HSPA9: variants seen among roughly 807,000 people sequenced by gnomAD.
HSPA9 encodes the protein heat shock protein family A (Hsp70) member 9, also known as stress-70 protein, mitochondrial.
A neutral mutation model predicts 81.5 loss-of-function variants in HSPA9; 28 were observed. That is an observed-to-expected ratio of 0.34 (90% CI 0.25 to 0.47). The LOEUF (loss-of-function observed/expected upper bound fraction) is 0.47, where lower values mean the gene tolerates loss of function less well. HSPA9 is among the 20% of genes least tolerant of loss of function. The pLI is 1.00. For synonymous variants in HSPA9, 293 were observed against 290.4 expected, an observed-to-expected ratio of 1.01 and a Z score of -0.09; for missense variants, 678 against 838.0, an observed-to-expected ratio of 0.81 and a Z score of 2.36.
chr5:138,573,435 G>A lies in HSPA9; in HGVS notation c.228+328C>T, dbSNP rs181893400. Among the ~76,000 whole-genome samples the A allele has an allele frequency of 4.1e-4, 63 of 152,044 alleles. 1 individual carries two copies. Among genetic ancestry groups the A allele is most frequent in the Admixed American group, 7.2e-4 (11 of 15,236 alleles). On this transcript the variant is annotated intron_variant, in intron 3 of 16. Coordinates refer to ENST00000297185, the MANE Select transcript of HSPA9 (RefSeq NM_004134.7). The stretch of plus-strand genomic sequence containing the variant: ...CAGCACTTTGGAGGCCAACGTGGGC[G>A]GATCACTTGAGCTCAAGACCAGCCT...
In HSPA9 at chr5:138,567,236, C is replaced by T. The variant is rs556198565; in HGVS notation, c.717-73G>A. The T allele has an allele frequency of 9.1e-5, 120 of 1,318,630 alleles. 1 individual carries two copies. In the South Asian group the frequency reaches 1.4e-3, roughly 16 times the overall value. 81.7% of individuals were successfully genotyped at this position (1,318,630 alleles called of 1,614,324 possible). On this transcript the variant is annotated intron_variant, in intron 7 of 16. Coordinates refer to ENST00000297185, the MANE Select transcript of HSPA9 (RefSeq NM_004134.7). ...AAACCTATCACCAGGATATAAATTT[C>T]AATAACCAAATACAGATAATCTAAG... is the stretch of plus-strand genomic sequence containing the variant.
At chr5:138,569,419 C>T (rs1750830628) in intron 4 of HSPA9, among the ~76,000 whole-genome samples, 1 of 152,204 alleles carries the variant, frequency 6.6e-6, no homozygotes, top group Admixed American at 6.5e-5. Flanking sequence ...TATGTCCACA[C>T]AAAAACTTGT....
At chr5:138,573,423 G>A (rs1044188637) in intron 3 of HSPA9, among the ~76,000 whole-genome samples, 1 of 152,036 alleles carries the variant, frequency 6.6e-6, no homozygotes, top group Non-Finnish European at 1.5e-5. Flanking sequence ...CACTTTGGAG[G>A]CCAACGTGGG....
chr5:138,561,051 G>A, intron 10 of HSPA9: 1 of 499,754 alleles, frequency 2.0e-6, no homozygotes, highest in Non-Finnish European at 4.1e-6. Flanking sequence ...TTTGTGCTCA[G>A]TCATTAGTTT....
intron 3 of HSPA9, among the ~76,000 whole-genome samples, chr5:138,571,717 G>C (rs1381108634): frequency 6.6e-6 from 1 of 151,110 alleles, no homozygotes; most frequent in Admixed American, 6.6e-5. Context: ...CGCGATCTCG[G>C]CTCACTGCAA....
In HSPA9 at chr5:138,556,535, T is replaced by C. The variant is rs1750524397; in HGVS notation, c.1879A>G (p.Ser627Gly). 6.2e-7 allele frequency: 1 copy of C among 1,614,000 alleles called. No homozygotes were observed. Among genetic ancestry groups the C allele is most frequent in the African/African-American group, 1.3e-5 (1 of 74,940 alleles). Residue 627 changes from serine (S) to glycine (G), a missense_variant, in exon 16 of 17, where the codon AGC becomes GGC. Physicochemically the swap from Ser to Gly is moderately conservative, Grantham distance 56. Coordinates refer to ENST00000297185, the MANE Select transcript of HSPA9 (RefSeq NM_004134.7). ...TGTCTAATATTTTCTCCTGTTTCGCTGTCTTTTCTAGCCAGGAGCTCCCTC... is the reference window on the plus strand; with the variant it reads ...TGTCTAATATTTTCTCCTGTTTCGCCGTCTTTTCTAGCCAGGAGCTCCCTC... ...KMRELLARKD[S>G]ETGENIRQAA...
intron 16 of HSPA9, 102 bp from the exon 17 acceptor site, chr5:138,556,216 T>C (rs1374992008): frequency 1.9e-6 from 2 of 1,067,870 alleles, no homozygotes; most frequent in African/African-American, 3.1e-5. Context: ...GTCCTCATCA[T>C]TCATTTCTAT....
chr5:138,562,613 A>G (rs1302159905), intron 9 of HSPA9, among the ~76,000 whole-genome samples: 1 of 152,220 alleles, frequency 6.6e-6, no homozygotes, highest in African/African-American at 2.4e-5. Context: ...TGTTTTAATA[A>G]AGTTTATAGT....
intron 8 of HSPA9, 82 bp downstream of exon 8, chr5:138,566,919 T>C (rs2127158523): frequency 7.0e-7 from 1 of 1,434,410 alleles, no homozygotes; most frequent in Non-Finnish European, 9.8e-7. Flanking sequence ...TGAACTGAAC[T>C]CGTAAACAAA....
chr5:138,569,072 T>TA lies in HSPA9; in HGVS notation c.411-24dup, dbSNP rs775395605. 6.0e-5 allele frequency: 96 copies of TA among 1,611,264 alleles called. No individual in the cohort carries two copies. The African/African-American group carries it at 6.5e-4, about 11-fold the overall frequency. ...TTACTGTAAGACACAAAAATTCTAT[T>TA]AGAGAAAACTACCTGAACAACTTAC... On this transcript the variant is annotated intron_variant, in intron 4 of 16. Transcript: ENST00000297185.
In HSPA9 at chr5:138,554,638, CATT is replaced by C. The variant is rs1377630781; in HGVS notation, c.*1396_*1398del. On this transcript the variant is annotated 3_prime_UTR_variant, in exon 17 of 17. Transcript: ENST00000297185. ...AATCTCATTTCTACATATTACAAAA[CATT>C]ATAAAAGGAGCCATTGTGTCTGATA... 6.6e-6 allele frequency among the ~76,000 whole-genome samples: 1 copy of C among 152,296 alleles called. No individual in the cohort carries two copies. Among genetic ancestry groups the C allele is most frequent in the African/African-American group, 2.4e-5 (1 of 41,560 alleles).
chr5:138,574,564 G>A (rs973781543), intron 1 of HSPA9, among the ~76,000 whole-genome samples: 5 of 152,184 alleles, frequency 3.3e-5, no homozygotes, highest in African/African-American at 7.2e-5. Context: ...AAAGAAAAAA[G>A]AAAAGTAGTG....
At chr5:138,574,942 C>T (rs1751053460) in intron 1 of HSPA9, 1 of 534,318 alleles carries the variant, frequency 1.9e-6, no homozygotes, top group African/African-American at 1.9e-5. Flanking sequence ...TCCCTCACCC[C>T]CAAGGCCAAA....
rs116771381 is a variant in HSPA9, at chr5:138,557,805, A to G, written c.1633+64T>C. On this transcript the variant is annotated intron_variant, in intron 13 of 16. Coordinates refer to ENST00000297185, the MANE Select transcript of HSPA9 (RefSeq NM_004134.7). ...GGGGCAAAGAGGACTCATCATTCTA[A>G]GAGGGTCTATTCCCAAGACCTCCCT... 3.2e-6 allele frequency: 3 copies of G among 945,026 alleles called. No homozygotes were observed. The East Asian group carries it at 7.2e-5, about 23-fold the overall frequency. 58.5% of individuals were successfully genotyped at this position (945,026 alleles called of 1,614,324 possible). A position where few individuals can be genotyped will look rare whatever the true frequency, so the allele number is the denominator to read the frequency against.
At position 138,567,660 on chromosome 5, in the gene HSPA9, A is replaced by C. The variant is rs771724792; in HGVS notation, c.598T>G (p.Ser200Ala). 2 of 1,613,862 alleles carry C rather than the reference A, an allele frequency of 1.2e-6. No homozygotes were observed. The highest frequency in any genetic ancestry group is 1.7e-6 in the Non-Finnish European group (2 of 1,179,798). The change falls in exon 6 of 17, where the codon TCG (serine) becomes GCG (alanine). Residue 200 changes from serine (S) to alanine (A), a missense_variant. Around this residue, in one of 4 missense-constraint regions of HSPA9, gnomAD observed 484 missense variants for 647.5 expected, o/e 0.75. Coordinates refer to ENST00000297185, the MANE Select transcript of HSPA9 (RefSeq NM_004134.7). ...CTAATTGACCTCACCTGTCTCTGCG[A>C]GTCATTGAAATAAGCTGGGACTGTG... is the stretch of plus-strand genomic sequence containing the variant. ...VITVPAYFND[S>A]QRQATKDAGQ...
chr5:138,571,103 T>C lies in HSPA9; in HGVS notation c.267A>G (p.Ser89=), dbSNP rs1289607348. 6.8e-6 allele frequency: 11 copies of C among 1,613,982 alleles called. No homozygotes were observed. The highest frequency in any genetic ancestry group is 2.7e-5 in the African/African-American group (2 of 74,912). ...ENAEGARTTP[S]VVAFTADGER... ...CACCATCTGCTGTAAAGGCCACAACTGAAGGGGTGGTTCTGGCACCTTCGG... is the reference window on the plus strand; with the variant it reads ...CACCATCTGCTGTAAAGGCCACAACCGAAGGGGTGGTTCTGGCACCTTCGG... Residue 89 remains serine (S), a synonymous_variant, in exon 4 of 17, where the codon TCA becomes TCG. Coordinates refer to ENST00000297185, the MANE Select transcript of HSPA9 (RefSeq NM_004134.7).
intron 9 of HSPA9, among the ~76,000 whole-genome samples, chr5:138,562,645 TAAGC>T (rs1043129107): frequency 6.6e-5 from 10 of 152,176 alleles, no homozygotes; most frequent in African/African-American, 2.2e-4. Flanking sequence ...ATGCAGCAGA[TAAGC>T]AGGAAAAAAA....
chr5:138,559,231 G>A (rs1750599084), intron 11 of HSPA9, among the ~76,000 whole-genome samples: 1 of 151,738 alleles, frequency 6.6e-6, no homozygotes, highest in African/African-American at 2.4e-5. Flanking sequence ...TCAGCCTCCT[G>A]AGTAGCTGGG....
Position 138,558,641 on chromosome 5 carries a change from G to C in HSPA9, c.1427C>G (p.Ala476Gly). The stretch of plus-strand genomic sequence containing the variant: ...AATTTCCACTTGCGTTTGACCATCA[G>C]CGGCAGTAGAGAATACCTAGGGAAG... ...TKKSQVFSTA[A>G]DGQTQVEIKV... is the part of the protein sequence containing the mutation. The change falls in exon 12 of 17, where the codon GCT (alanine) becomes GGT (glycine). Residue 476 changes from alanine (A) to glycine (G), a missense_variant. By Grantham distance (60) the Ala-to-Gly change is moderately conservative (BLOSUM62 0). Coordinates refer to ENST00000297185, the MANE Select transcript of HSPA9 (RefSeq NM_004134.7). 2 of 1,612,492 alleles carry C rather than the reference G, an allele frequency of 1.2e-6. No individual in the cohort carries two copies. Among genetic ancestry groups the C allele is most frequent in the South Asian group, 2.2e-5 (2 of 91,038 alleles).
Sources: allele counts gnomAD v4.1 joint callset (sites outside exome capture counted in the v4.1 genomes callset), GRCh38; gene constraint gnomAD v4.1.1; regional missense constraint gnomAD v4.1.1; transcripts MANE v1.5; gene names NCBI Gene and HGNC (gene_info 2026-07-23, HGNC 2026-07-21).